The following NUDT14 variants were observed in gnomAD, a reference collection of about 807,000 sequenced individuals.
NUDT14 encodes nudix hydrolase 14.
In NUDT14, 22 loss-of-function variants were observed where a neutral mutation model predicts 17.5. That is an observed-to-expected ratio of 1.26 (90% confidence interval 0.90 to 1.80). NUDT14 has a LOEUF of 1.80. NUDT14 is among the 40% of genes most tolerant of loss of function. NUDT14 has a pLI of 0.00. For synonymous variants in NUDT14, 129 were observed against 125.8 expected (o/e 1.03, Z -0.17); for missense variants, 296 against 295.6 (o/e 1.00, Z -0.01).
intron 1 of NUDT14, among the ~76,000 whole-genome samples, chr14:105,179,196 G>C (rs1291543934): frequency 1.3e-5 from 2 of 152,354 alleles, no homozygotes; most frequent in South Asian, 2.1e-4. Flanking sequence ...GGTGCAGGGA[G>C]GTTTAGGGAG....
rs1889145953 is a variant in NUDT14 at position 105,173,382 on chromosome 14, A to G, written c.429-121T>C. On this transcript the variant is annotated intron_variant, in intron 4 of 4. Coordinates refer to ENST00000392568, the MANE Select transcript of NUDT14 (RefSeq NM_177533.5). The surrounding 1 kb of genome is among the most constrained non-coding windows in gnomAD (Gnocchi z 4.7). ...TCCCTCCAGCCCTCCAGTAGGCAGG[A>G]CTCTGGGATGCCCTCTCCCACCCGG... The G allele has an allele frequency of 8.6e-7, 1 of 1,166,046 alleles. No homozygotes were observed. Among genetic ancestry groups the G allele is most frequent in the Non-Finnish European group, 1.1e-6 (1 of 899,816 alleles). The allele number at this position is 1,166,046 out of a possible 1,614,324, so 72.2% of individuals were successfully genotyped here. A position where few individuals can be genotyped will look rare whatever the true frequency, so the allele number is the denominator to read the frequency against.
chr14:105,173,500 C>A lies in NUDT14; in HGVS notation c.429-239G>T. On this transcript the variant is annotated intron_variant, in intron 4 of 4. Coordinates refer to ENST00000392568, the MANE Select transcript of NUDT14 (RefSeq NM_177533.5). This position sits in a 1 kb window ranked among gnomAD's most constrained non-coding sequence, Gnocchi z 4.7. ...ACTCGCCAGGTGGGGTGGGTGTTGT[C>A]GATGTGATTAAGGACCCTAACCGGT... 1 of 392,870 alleles carries A rather than the reference C, an allele frequency of 2.5e-6. No homozygotes were observed. The highest frequency in any genetic ancestry group is 4.5e-6 in the Non-Finnish European group (1 of 223,002). 24.3% of individuals were successfully genotyped at this position (392,870 alleles called of 1,614,324 possible).
intron 4 of NUDT14, chr14:105,175,992 G>A (rs1030182008): frequency 3.1e-6 from 4 of 1,270,648 alleles, no homozygotes; most frequent in Non-Finnish European, 4.1e-6. Context: ...GCGTCCCTGG[G>A]GAAGTGGATG....
intron 4 of NUDT14, among the ~76,000 whole-genome samples, chr14:105,174,237 G>A (rs986770829): frequency 6.6e-5 from 10 of 152,132 alleles, no homozygotes; most frequent in African/African-American, 1.9e-4. Context: ...CTGGACTGGC[G>A]TGTGTGGAGG....
chr14:105,179,416 C>T lies in NUDT14; in HGVS notation c.82-1681G>A, dbSNP rs187115920. Reference sequence around the variant, plus strand: ...GGCCCTGAGGAGATGCCGCCCAGCCCGAGCCTACATCCGTGTCCACCACAG... The same window carrying T: ...GGCCCTGAGGAGATGCCGCCCAGCCTGAGCCTACATCCGTGTCCACCACAG... On this transcript the variant is annotated intron_variant, in intron 1 of 4. Transcript: ENST00000392568. Among the ~76,000 whole-genome samples the T allele has an allele frequency of 8.3e-4, 127 of 152,334 alleles. 1 individual carries two copies. Among genetic ancestry groups the T allele is most frequent in the South Asian group, 6.4e-3 (31 of 4,830 alleles).
At chr14:105,174,038 C>T (rs943814596) in intron 4 of NUDT14, among the ~76,000 whole-genome samples, 4 of 152,084 alleles carry the variant, frequency 2.6e-5, no homozygotes, top group African/African-American at 9.7e-5. Flanking sequence ...AGACTAGGAA[C>T]AGCATGCACT....
At chr14:105,174,465 G>T (rs1419280226) in intron 4 of NUDT14, among the ~76,000 whole-genome samples, 3 of 152,046 alleles carry the variant, frequency 2.0e-5, no homozygotes. Context: ...CGCCCTCTGA[G>T]ATGTACCCAA....
At chr14:105,179,296 C>G (rs587749553) in intron 1 of NUDT14, among the ~76,000 whole-genome samples, 1 of 152,320 alleles carries the variant, frequency 6.6e-6, no homozygotes, top group Admixed American at 6.5e-5. Flanking sequence ...CTTTGGTCTG[C>G]CTGACATCAC....
chr14:105,177,069 G>A (rs1268359745), intron 2 of NUDT14, 42 bp from the exon 3 acceptor site: 1 of 1,587,290 alleles, frequency 6.3e-7, no homozygotes, highest in Non-Finnish European at 8.6e-7. Context: ...GCACTCCACT[G>A]GCCCTCGTGG....
chr14:105,177,667 T>C, intron 2 of NUDT14, 25 bp downstream of exon 2: 1 of 1,610,738 alleles, frequency 6.2e-7, no homozygotes, highest in African/African-American at 1.3e-5. Context: ...GCTTCCCCAG[T>C]GGCCAGGCTG....
At chr14:105,179,060 C>T (rs587677384) in intron 1 of NUDT14, among the ~76,000 whole-genome samples, 21 of 152,298 alleles carry the variant, frequency 1.4e-4, no homozygotes, top group Admixed American at 1.2e-3. Context: ...CTGCCATGTG[C>T]CTGCTGTGCC....
At chr14:105,177,076 G>C in intron 2 of NUDT14, 49 bp from the exon 3 acceptor site, 5 of 1,570,482 alleles carry the variant, frequency 3.2e-6, no homozygotes, top group Non-Finnish European at 4.3e-6. Flanking sequence ...ACTGGCCCTC[G>C]TGGGGCCCCA....
intron 1 of NUDT14, among the ~76,000 whole-genome samples, chr14:105,178,230 G>C (rs147785485): frequency 6.6e-6 from 1 of 152,156 alleles, no homozygotes; most frequent in East Asian, 1.9e-4. Flanking sequence ...AGTGGATGGG[G>C]AAGGGTGGCA....
chr14:105,179,276 G>A (rs1218447546), intron 1 of NUDT14, among the ~76,000 whole-genome samples: 1 of 152,210 alleles, frequency 6.6e-6, no homozygotes, highest in Non-Finnish European at 1.5e-5. Context: ...GAGCCACGGG[G>A]GTCCCCTGCC....
In NUDT14 at chr14:105,181,283, G is replaced by C. The variant is rs1367473561; in HGVS notation, c.-74C>G. ...GGGGCGGCGCCCTGTCCCGACAGGA[G>C]CCTTCGGGCGGGCGCGTGACCGCGG... On this transcript the variant is annotated 5_prime_UTR_variant, in exon 1 of 5. Transcript: ENST00000392568. This position sits in a 1 kb window ranked among gnomAD's most constrained non-coding sequence, Gnocchi z 5.0. The C allele has an allele frequency of 3.2e-6, 2 of 622,322 alleles. No homozygotes were observed. Among genetic ancestry groups the C allele is most frequent in the Non-Finnish European group, 4.2e-6 (2 of 477,524 alleles). 38.6% of individuals were successfully genotyped at this position (622,322 alleles called of 1,614,324 possible).
chr14:105,178,224 G>C (rs906984344), intron 1 of NUDT14, among the ~76,000 whole-genome samples: 2 of 152,080 alleles, frequency 1.3e-5, no homozygotes, highest in African/African-American at 2.4e-5. Context: ...ACCAGGAGTG[G>C]ATGGGGAAGG....
Position 105,175,215 on chromosome 14 carries a change from G to T in NUDT14, c.428+1319C>A, listed in dbSNP as rs587650143. Among the ~76,000 whole-genome samples, 3 of 152,246 alleles carry T rather than the reference G, an allele frequency of 2.0e-5. No homozygotes were observed. The East Asian group carries it at 5.8e-4, about 29-fold the overall frequency. On this transcript the variant is annotated intron_variant, in intron 4 of 4. Coordinates refer to ENST00000392568, the MANE Select transcript of NUDT14 (RefSeq NM_177533.5). ...ACCTGCCCAGGCCCACCTCCTCCAGGGGGACCAAGGGGACTCCAGCCCCTC... is the reference window on the plus strand; with the variant it reads ...ACCTGCCCAGGCCCACCTCCTCCAGTGGGACCAAGGGGACTCCAGCCCCTC...
chr14:105,177,268 AG>A, intron 2 of NUDT14: 1 of 642,318 alleles, frequency 1.6e-6, no homozygotes, highest in South Asian at 1.7e-5. Flanking sequence ...GGCGGGGGGC[AG>A]GGAAGGACAC....
intron 4 of NUDT14, among the ~76,000 whole-genome samples, chr14:105,174,940 C>G (rs111407599): frequency 6.6e-6 from 1 of 152,198 alleles, no homozygotes; most frequent in Non-Finnish European, 1.5e-5. Flanking sequence ...GTCAGTCCAG[C>G]CCCCCATCAG....
Sources: allele counts gnomAD v4.1 joint callset (sites outside exome capture counted in the v4.1 genomes callset), GRCh38; gene constraint gnomAD v4.1.1; non-coding constraint Gnocchi (gnomAD v3.1); transcripts MANE v1.5; gene names NCBI Gene and HGNC (gene_info 2026-07-23, HGNC 2026-07-21).